CSMD3: variants seen among roughly 807,000 people sequenced by gnomAD.
CSMD3 encodes CUB and sushi domain-containing protein 3.
In CSMD3, 177 loss-of-function variants were observed where a neutral mutation model predicts 435.2. The observed-to-expected ratio is 0.41, with a 90% CI of 0.36 to 0.46. The LOEUF (loss-of-function observed/expected upper bound fraction) is 0.46, where lower values mean the gene tolerates loss of function less well. Among genes scored for constraint, CSMD3 ranks in the 20% least tolerant of loss-of-function variants. The pLI is 0.34. For missense variants in CSMD3, 4,265 were observed against 4,504.6 expected, an observed-to-expected ratio of 0.95 and a Z score of 1.52; for synonymous variants, 1,656 against 1,520.5, an observed-to-expected ratio of 1.09 and a Z score of -2.07.
chr8:113,314,409 C>A, intron 2 of CSMD3, 162 bp downstream of exon 2: 1 of 619,728 alleles, frequency 1.6e-6, no homozygotes, highest in Non-Finnish European at 2.9e-6. Context: ...AGACACCAAG[C>A]TAATTTGTTC....
chr8:113,122,532 G>A (rs1564340097), intron 4 of CSMD3, among the ~76,000 whole-genome samples: 1 of 152,092 alleles, frequency 6.6e-6, no homozygotes, highest in Non-Finnish European at 1.5e-5. Flanking sequence ...GATCACCCAG[G>A]AATATTTCAG....
intron 65 of CSMD3, among the ~76,000 whole-genome samples, chr8:112,242,579 T>C (rs1463377675): frequency 2.0e-5 from 3 of 151,978 alleles, no homozygotes; most frequent in Non-Finnish European, 2.9e-5. Context: ...GAAAAAGCTA[T>C]TGAAATTGTG....
intron 64 of CSMD3, among the ~76,000 whole-genome samples, chr8:112,246,625 C>T (rs1409587451): frequency 6.6e-6 from 1 of 151,998 alleles, no homozygotes; most frequent in African/African-American, 2.4e-5. Context: ...TGTTAGTTTC[C>T]CCAGATTCTC....
intron 11 of CSMD3, among the ~76,000 whole-genome samples, chr8:112,830,923 A>G (rs1042526278): frequency 2.6e-5 from 4 of 151,520 alleles, no homozygotes; most frequent in Admixed American, 2.6e-4. Context: ...AGTACCTGGG[A>G]CTACAGGTGC....
intron 1 of CSMD3, among the ~76,000 whole-genome samples, chr8:113,399,830 A>G (rs2094501873): frequency 6.6e-6 from 1 of 151,884 alleles, no homozygotes; most frequent in Non-Finnish European, 1.5e-5. Context: ...TTATACTTTA[A>G]TCTGTTTTTT....
chr8:112,275,163 C>A (rs1026219634), intron 59 of CSMD3, among the ~76,000 whole-genome samples: 32 of 144,668 alleles, frequency 2.2e-4, no homozygotes, highest in African/African-American at 7.8e-4. Context: ...CAACCACTAA[C>A]CACAATAAAA....
At chr8:112,613,950 T>C (rs1246932981) in intron 22 of CSMD3, among the ~76,000 whole-genome samples, 1 of 152,006 alleles carries the variant, frequency 6.6e-6, no homozygotes, top group Admixed American at 6.6e-5. Flanking sequence ...AAGCAAAACT[T>C]TGTCGTAGAA....
intron 3 of CSMD3, among the ~76,000 whole-genome samples, chr8:113,273,884 A>G (rs2093549481): frequency 6.6e-6 from 1 of 152,138 alleles, no homozygotes; most frequent in African/African-American, 2.4e-5. Context: ...ATTCATAATG[A>G]TGTTTTATAT....
intron 38 of CSMD3, among the ~76,000 whole-genome samples, chr8:112,372,590 C>T (rs1294165781): frequency 6.6e-6 from 1 of 152,052 alleles, no homozygotes; most frequent in Non-Finnish European, 1.5e-5. Context: ...TGGCTCATGC[C>T]TGTAATCTTA....
In CSMD3 at chr8:113,330,247, A is replaced by T. The variant is rs562005294; in HGVS notation, c.179-15454T>A. Among the ~76,000 whole-genome samples the T allele has an allele frequency of 1.8e-4, 28 of 152,190 alleles. No homozygotes were observed. In the South Asian group the frequency reaches 5.6e-3, roughly 30 times the overall value. The stretch of plus-strand genomic sequence containing the variant: ...TGGAAATTAAGTTAGTATTAATCTG[A>T]ACTAGAATGTTGAAGTAAGAAGCTA... On this transcript the variant is annotated intron_variant, in intron 1 of 70. Coordinates refer to ENST00000297405, the MANE Select transcript of CSMD3 (RefSeq NM_198123.2).
chr8:112,833,582 T>C (rs1224657118), intron 11 of CSMD3, among the ~76,000 whole-genome samples: 1 of 151,996 alleles, frequency 6.6e-6, no homozygotes, highest in Non-Finnish European at 1.5e-5. Context: ...AATTTTAAAA[T>C]CTTAACTTTC....
At chr8:113,148,041 A>G (rs192246089) in intron 4 of CSMD3, among the ~76,000 whole-genome samples, 7 of 151,726 alleles carry the variant, frequency 4.6e-5, no homozygotes, top group Admixed American at 6.6e-5. Flanking sequence ...CCACTTTCTC[A>G]AACTATTTAG....
intron 30 of CSMD3, among the ~76,000 whole-genome samples, chr8:112,495,698 T>G (rs1397900420): frequency 6.6e-6 from 1 of 152,106 alleles, no homozygotes; most frequent in African/African-American, 2.4e-5. Context: ...AGTTTCTGAA[T>G]AAAAATTATG....
chr8:112,506,567 G>A lies in CSMD3; in HGVS notation c.4895+124C>T, dbSNP rs141249224. ...AAAGCTAGAACAACTATTAGCACTG[G>A]GATAAGTAAAAAATAACAAAAAATG... is the stretch of plus-strand genomic sequence containing the variant. On this transcript the variant is annotated intron_variant, in intron 29 of 70. Transcript: ENST00000297405. The A allele has an allele frequency of 1.6e-3, 1,434 of 915,992 alleles. 19 individuals carry two copies. In the African/African-American group the frequency reaches 0.021, roughly 13 times the overall value. The allele number at this position is 915,992 out of a possible 1,614,324, so 56.7% of individuals were successfully genotyped here.
At chr8:113,412,232 A>C (rs1191399698) in intron 1 of CSMD3, among the ~76,000 whole-genome samples, 1 of 152,046 alleles carries the variant, frequency 6.6e-6, no homozygotes, top group Non-Finnish European at 1.5e-5. Flanking sequence ...GAGTCATATC[A>C]ATCATATGCA....
At chr8:112,260,751 G>T (rs1440943044) in intron 61 of CSMD3, among the ~76,000 whole-genome samples, 1 of 151,956 alleles carries the variant, frequency 6.6e-6, no homozygotes, top group Non-Finnish European at 1.5e-5. Context: ...GGCGAATTAC[G>T]TGACAAAAAC....
At position 112,287,216 on chromosome 8, in the gene CSMD3, C is replaced by T. The variant is rs760823486; in HGVS notation, c.9179G>A (p.Gly3060Asp). The T allele has an allele frequency of 1.2e-5, 20 of 1,613,556 alleles. 1 individual carries two copies. The South Asian group carries it at 2.0e-4, about 16-fold the overall frequency. Residue 3060 changes from glycine (G) to aspartate (D), a missense_variant, in exon 58 of 71, where the codon GGT becomes GAT. By Grantham distance (94) the Gly-to-Asp change is moderately conservative (BLOSUM62 -1). This residue lies in a region of CSMD3 where 3,255 missense variants were observed against 3,380.2 expected (regional missense o/e 0.96). Transcript: ENST00000297405. ...CTGTCTAGAGCCATGGCCGGGAGTA[C>T]CTGGATCGCCACATGTCCCAGTAGC... is the stretch of plus-strand genomic sequence containing the variant. ...GDATGTCGDP[G>D]TPGHGSRQES...
At chr8:113,213,061 T>A (rs1160947162) in intron 3 of CSMD3, among the ~76,000 whole-genome samples, 1 of 151,960 alleles carries the variant, frequency 6.6e-6, no homozygotes, top group East Asian at 1.9e-4. Flanking sequence ...CCCATAGATT[T>A]ATACAGGATC....
At chr8:112,405,278 C>T (rs1586214728) in intron 35 of CSMD3, among the ~76,000 whole-genome samples, 1 of 112,292 alleles carries the variant, frequency 8.9e-6, no homozygotes, top group Non-Finnish European at 1.7e-5. Flanking sequence ...TTATTTTTAA[C>T]ATCACATACT....
Sources: gnomAD v4.1 joint callset for allele counts (sites outside exome capture counted in the v4.1 genomes callset) on GRCh38, gnomAD v4.1.1 for gene constraint, gnomAD v4.1.1 regional missense constraint, MANE v1.5 for transcripts, NCBI Gene and HGNC (gene_info 2026-07-23, HGNC 2026-07-21) for gene names.